Variants in BBOX1 observed in about 807,000 individuals in gnomAD.
The protein encoded by BBOX1 is gamma-butyrobetaine dioxygenase.
BBOX1 carries 35 observed loss-of-function variants against 41.6 expected under a neutral mutation model. That is an observed-to-expected ratio of 0.84 (90% CI 0.64 to 1.11). The LOEUF (loss-of-function observed/expected upper bound fraction) is 1.11. Among genes scored for constraint, BBOX1 ranks in the 50% most tolerant of loss-of-function variants. The pLI is 0.00. For missense variants in BBOX1, 458 were observed against 460.6 expected (o/e 0.99, Z 0.05); for synonymous variants, 163 against 154.7 (o/e 1.05, Z -0.40).
intron 5 of BBOX1, among the ~76,000 whole-genome samples, chr11:27,112,445 G>C (rs570303023): frequency 1.3e-5 from 2 of 151,804 alleles, no homozygotes; most frequent in South Asian, 4.1e-4. Context: ...TTTAAAAATT[G>C]AGTTTCTCAG....
intron 5 of BBOX1, among the ~76,000 whole-genome samples, chr11:27,105,223 G>A (rs1054442344): frequency 1.3e-5 from 2 of 152,130 alleles, no homozygotes; most frequent in African/African-American, 2.4e-5. Context: ...CACCAGCAAC[G>A]GAACAAAGCT....
At chr11:27,087,905 G>T (rs1346258001) in intron 4 of BBOX1, among the ~76,000 whole-genome samples, 2 of 151,996 alleles carry the variant, frequency 1.3e-5, no homozygotes, top group Non-Finnish European at 2.9e-5. Context: ...TGATGGTAAA[G>T]TCCTGTAAAA....
At chr11:27,120,129 G>A (rs1899506) in intron 7 of BBOX1, among the ~76,000 whole-genome samples, 73,657 of 151,890 alleles carry the variant, frequency 0.48, 19,225 homozygotes, top group East Asian at 0.66. Flanking sequence ...GATTATACTA[G>A]TTAGAAGGCT....
chr11:27,063,279 T>G (rs868370501), intron 4 of BBOX1, among the ~76,000 whole-genome samples: 2 of 152,168 alleles, frequency 1.3e-5, no homozygotes, highest in Admixed American at 6.5e-5. Context: ...ACAAGGTTTT[T>G]ATGTACTAAT....
At chr11:27,116,308 C>A (rs778931251) in intron 6 of BBOX1, among the ~76,000 whole-genome samples, 4 of 151,428 alleles carry the variant, frequency 2.6e-5, no homozygotes, top group Non-Finnish European at 2.9e-5. Flanking sequence ...ACATCACACA[C>A]TGGGGCCTGT....
intron 6 of BBOX1, among the ~76,000 whole-genome samples, chr11:27,118,652 G>A (rs972904): frequency 0.32 from 49,023 of 151,520 alleles, 9,942 homozygotes; most frequent in African/African-American, 0.57. Context: ...TGACAGGCAT[G>A]TATTTGCGTT....
intron 4 of BBOX1, among the ~76,000 whole-genome samples, chr11:27,086,182 G>A (rs116526210): frequency 6.6e-6 from 1 of 152,240 alleles, no homozygotes; most frequent in East Asian, 1.9e-4. Flanking sequence ...GATGAAGGTG[G>A]ATACACTAAG....
intron 4 of BBOX1, among the ~76,000 whole-genome samples, chr11:27,076,679 G>C (rs1857641970): frequency 6.6e-6 from 1 of 152,156 alleles, no homozygotes; most frequent in Admixed American, 6.5e-5. Flanking sequence ...TGGGTGGAGG[G>C]ACAAAGCCAG....
chr11:27,056,750 A>T (rs747978580), intron 3 of BBOX1, among the ~76,000 whole-genome samples: 2 of 151,940 alleles, frequency 1.3e-5, no homozygotes, highest in Non-Finnish European at 2.9e-5. Flanking sequence ...TGTTTTCCAA[A>T]AGCGTATGCT....
At chr11:27,110,026 C>A (rs1213676470) in intron 5 of BBOX1, among the ~76,000 whole-genome samples, 1 of 151,960 alleles carries the variant, frequency 6.6e-6, no homozygotes, top group Non-Finnish European at 1.5e-5. Context: ...ATAAATAGGA[C>A]CTCCCCCACC....
At chr11:27,090,294 G>A (rs1188651838) in intron 4 of BBOX1, among the ~76,000 whole-genome samples, 1 of 151,928 alleles carries the variant, frequency 6.6e-6, no homozygotes, top group Non-Finnish European at 1.5e-5. Context: ...GGTACAAAGA[G>A]AGGAACTTTA....
At chr11:27,125,376 A>C (rs1859614846) in intron 7 of BBOX1, among the ~76,000 whole-genome samples, 1 of 152,160 alleles carries the variant, frequency 6.6e-6, no homozygotes, top group African/African-American at 2.4e-5. Flanking sequence ...TTAACTAAGC[A>C]TAACAAAATT....
chr11:27,125,656 T>G lies in BBOX1; in HGVS notation c.839T>G (p.Leu280Ter). 1 of 1,544,940 alleles carries G rather than the reference T, an allele frequency of 6.5e-7. No individual in the cohort carries two copies. The highest frequency in any genetic ancestry group is 8.7e-7 in the Non-Finnish European group (1 of 1,144,940). The part of the protein sequence containing the change: ...SVQSKHKIIE[L>*]DDKGQVVRIN... ...AATTTTTTCTCTTAATAAAACAGGT[T>G]AGATGATAAAGGCCAAGTGGTTCGC... The change falls in exon 8 of 9, where the codon TTA becomes TGA. Residue 280 changes from leucine to a stop codon, truncating the protein, a stop_gained and splice_region_variant. Transcript: ENST00000263182. LOFTEE classifies it high-confidence loss of function.
intron 2 of BBOX1, among the ~76,000 whole-genome samples, chr11:27,048,716 A>G (rs2133947608): frequency 6.8e-6 from 1 of 146,912 alleles, no homozygotes; most frequent in South Asian, 2.2e-4. Flanking sequence ...CTTAGACTAT[A>G]TGGCCAGTAA....
chr11:27,104,698 T>A (rs1373827012), intron 5 of BBOX1, among the ~76,000 whole-genome samples: 1 of 152,180 alleles, frequency 6.6e-6, no homozygotes, highest in Non-Finnish European at 1.5e-5. Context: ...CAGCAGAAAC[T>A]TCTGCAGACT....
chr11:27,075,382 C>CA lies in BBOX1; in HGVS notation c.335-17785dup, dbSNP rs1341701626. Among the ~76,000 whole-genome samples, 13 of 152,222 alleles carry CA rather than the reference C, an allele frequency of 8.5e-5. No homozygotes were observed. The South Asian group carries it at 1.9e-3, about 22-fold the overall frequency. On this transcript the variant is annotated intron_variant, in intron 4 of 8. Transcript: ENST00000263182. ...GCTTATCTCATTCCCCAATGGTATGCACATTTTTGTTTATTTTTCCCCAGT... is the reference window on the plus strand; with the variant it reads ...GCTTATCTCATTCCCCAATGGTATGCAACATTTTTGTTTATTTTTCCCCAGT...
In BBOX1 at chr11:27,127,432, G is replaced by T. The variant is rs1453708959; in HGVS notation, c.1143G>T (p.Gln381His). Residue 381 changes from glutamine (Q) to histidine (H), a missense_variant, in exon 9 of 9, where the codon CAG becomes CAT. By Grantham distance (24) the Gln-to-His change is conservative (BLOSUM62 0). Coordinates refer to ENST00000263182, the MANE Select transcript of BBOX1 (RefSeq NM_003986.3). The part of the protein sequence containing the change: ...VVMSRLRILR[Q>H]RVENGN ...TGTCAAGGCTTCGTATCTTAAGGCA[G>T]AGGGTGGAGAATGGAAACTGAAGTC... 1.2e-6 allele frequency: 2 copies of T among 1,607,568 alleles called. No individual in the cohort carries two copies. Among genetic ancestry groups the T allele is most frequent in the South Asian group, 2.2e-5 (2 of 89,072 alleles).
In BBOX1 at chr11:27,064,193, T is replaced by A. The variant is rs1360009731; in HGVS notation, c.334+6878T>A. The stretch of plus-strand genomic sequence containing the variant: ...AATTATAAAAAGAACTAGCAAGACT[T>A]GGTGGGTTGTTGTTTTTTTTCAAGC... On this transcript the variant is annotated intron_variant, in intron 4 of 8. Transcript: ENST00000263182. Among the ~76,000 whole-genome samples, 3 of 152,226 alleles carry A rather than the reference T, an allele frequency of 2.0e-5. No homozygotes were observed. In the South Asian group the frequency reaches 6.2e-4, roughly 32 times the overall value.
At chr11:27,113,780 C>T (rs1044904123) in intron 5 of BBOX1, among the ~76,000 whole-genome samples, 1 of 150,680 alleles carries the variant, frequency 6.6e-6, no homozygotes, top group Non-Finnish European at 1.5e-5. Context: ...ATATAACAAA[C>T]TTGCACATGT....
Sources: gnomAD v4.1 joint callset for allele counts (sites outside exome capture counted in the v4.1 genomes callset) on GRCh38, gnomAD v4.1.1 for gene constraint, MANE v1.5 for transcripts, NCBI Gene and HGNC (gene_info 2026-07-23, HGNC 2026-07-21) for gene names.